The following CPLANE1 variants were observed in gnomAD, a reference collection of about 807,000 sequenced individuals.
The protein encoded by CPLANE1 is ciliogenesis and planar polarity effector complex subunit 1.
In CPLANE1, 263 loss-of-function variants were observed where a neutral mutation model predicts 362.5. That is an observed-to-expected ratio of 0.73 (90% CI 0.66 to 0.80). The LOEUF (loss-of-function observed/expected upper bound fraction) is 0.80. Ranked by LOEUF, CPLANE1 falls within the 30% of genes least tolerant of loss-of-function variation. The pLI, the probability that CPLANE1 is intolerant of heterozygous loss-of-function variation, is 0.00. For missense variants in CPLANE1, 3,461 were observed against 3,793.4 expected, an observed-to-expected ratio of 0.91 and a Z score of 2.30; for synonymous variants, 1,212 against 1,302.6, an observed-to-expected ratio of 0.93 and a Z score of 1.50.
intron 18 of CPLANE1, among the ~76,000 whole-genome samples, chr5:37,203,577 AATC>A (rs1444352807): frequency 3.9e-5 from 6 of 152,168 alleles, no homozygotes; most frequent in Non-Finnish European, 8.8e-5. Flanking sequence ...GCAGTGGCAC[AATC>A]ATGGCTCACT....
chr5:37,227,332 G>A lies in CPLANE1; in HGVS notation c.1432C>T (p.His478Tyr). Reference protein sequence around the residue: ...LNSLRSSLLEHQGNESSADFT... With the variant: ...LNSLRSSLLEYQGNESSADFT... ...TCGGCTGAACTTTCATTTCCTTGGT[G>A]TTCTAACAGGCTAGACCTTAGGGAA... Residue 478 changes from histidine to tyrosine, a missense_variant, in exon 11 of 53, where the codon CAC (histidine) becomes TAC (tyrosine). By Grantham distance (83) the His-to-Tyr change is moderately conservative (BLOSUM62 2). Coordinates refer to ENST00000651892, the MANE Select transcript of CPLANE1 (RefSeq NM_001384732.1). 6.4e-7 allele frequency: 1 copy of A among 1,552,004 alleles called. No homozygotes were observed. Among genetic ancestry groups the A allele is most frequent in the South Asian group, 1.2e-5 (1 of 84,046 alleles).
In CPLANE1 at chr5:37,125,254, C is replaced by T; in HGVS notation, c.8948G>A (p.Arg2983Lys). ...RGQEHDPFCP[R>K]SNPLYMTSRE... Reference sequence around the variant, plus strand: ...ACATGGCAGACTTACTGGATTGCTTCTGGGACAGAAAGGATCATGTTCTTG... The same window carrying T: ...ACATGGCAGACTTACTGGATTGCTTTTGGGACAGAAAGGATCATGTTCTTG... The change falls in exon 47 of 53, where the codon AGA becomes AAA. Residue 2983 changes from arginine to lysine, a missense_variant. Arg to Lys is a conservative substitution (Grantham distance 26). This residue lies in a region of CPLANE1 where 3,380 missense variants were observed against 3,666.1 expected (regional missense o/e 0.92). Coordinates refer to ENST00000651892, the MANE Select transcript of CPLANE1 (RefSeq NM_001384732.1). 1 of 1,613,226 alleles carries T rather than the reference C, an allele frequency of 6.2e-7. No individual in the cohort carries two copies. Among genetic ancestry groups the T allele is most frequent in the Non-Finnish European group, 8.5e-7 (1 of 1,179,734 alleles).
intron 46 of CPLANE1, among the ~76,000 whole-genome samples, chr5:37,131,264 G>A (rs1464642953): frequency 2.6e-5 from 4 of 152,068 alleles, no homozygotes; most frequent in African/African-American, 4.8e-5. Flanking sequence ...GAAAAAAAGC[G>A]CTTTCTACCA....
intron 51 of CPLANE1, among the ~76,000 whole-genome samples, chr5:37,114,115 T>C (rs548167589): frequency 1.3e-5 from 2 of 151,964 alleles, no homozygotes; most frequent in Admixed American, 1.3e-4. Context: ...CCAGCCAAAT[T>C]AGTGGGTTTT....
chr5:37,138,386 G>A (rs1014713287), intron 46 of CPLANE1: 38 of 317,640 alleles, frequency 1.2e-4, no homozygotes, highest in Non-Finnish European at 6.2e-5. Context: ...CCATTTGCAT[G>A]ATAGATCAGA....
chr5:37,239,805 A>G lies in CPLANE1; in HGVS notation c.742T>C (p.Cys248Arg), dbSNP rs1454775313. The G allele has an allele frequency of 1.3e-6, 2 of 1,546,172 alleles. No homozygotes were observed. Among genetic ancestry groups the G allele is most frequent in the Non-Finnish European group, 1.7e-6 (2 of 1,143,850 alleles). ...DCHLCSLIPKCESVKSRGALI... is the reference protein window; with the variant it reads ...DCHLCSLIPKRESVKSRGALI... ...GCTCCTCTTGACTTTACTGATTCAC[A>G]TTTAGGAATTAAACTACAGAGATGA... Residue 248 changes from cysteine (C) to arginine (R), a missense_variant, in exon 7 of 53, where the codon TGT becomes CGT. By Grantham distance (180) the Cys-to-Arg change is radical. Around this residue, in one of 2 missense-constraint regions of CPLANE1, gnomAD observed 3,380 missense variants for 3,666.1 expected, o/e 0.92. Coordinates refer to ENST00000651892, the MANE Select transcript of CPLANE1 (RefSeq NM_001384732.1).
chr5:37,205,838 C>G (rs535918028), intron 17 of CPLANE1, among the ~76,000 whole-genome samples: 3 of 152,150 alleles, frequency 2.0e-5, no homozygotes, highest in Admixed American at 1.3e-4. Context: ...CTCAGCCTCC[C>G]AAGTAGTTGG....
chr5:37,183,325 A>C lies in CPLANE1; in HGVS notation c.4856T>G (p.Phe1619Cys). The C allele has an allele frequency of 6.2e-7, 1 of 1,613,240 alleles. No homozygotes were observed. Among genetic ancestry groups the C allele is most frequent in the Middle Eastern group, 1.7e-4 (1 of 6,048 alleles). Residue 1619 changes from phenylalanine to cysteine, a missense_variant, in exon 26 of 53, where the codon TTT (phenylalanine) becomes TGT (cysteine). Phe to Cys is a radical substitution (Grantham distance 205). Around this residue, in one of 2 missense-constraint regions of CPLANE1, gnomAD observed 3,380 missense variants for 3,666.1 expected, o/e 0.92. Coordinates refer to ENST00000651892, the MANE Select transcript of CPLANE1 (RefSeq NM_001384732.1). ...SQNVFRAGSCFVVAPESYESE... is the reference protein window; with the variant it reads ...SQNVFRAGSCCVVAPESYESE... ...TTCATAGGACTCAGGAGCAACAACA[A>C]AGCAAGAACCAGCTCTAAACACATT...
Position 37,230,866 on chromosome 5 carries a change from C to T in CPLANE1, c.1121+1G>A, listed in dbSNP as rs771871270. On this transcript the variant is annotated splice_donor_variant, in intron 9 of 52. Transcript: ENST00000651892. LOFTEE classifies it high-confidence loss of function. ...AAATTAACACAATTCAAATGTCTCA[C>T]CTATACGTTATTAGTGGATGAAGAG... The T allele has an allele frequency of 3.8e-5, 57 of 1,514,646 alleles. No homozygotes were observed. The highest frequency in any genetic ancestry group is 4.6e-5 in the Non-Finnish European group (52 of 1,128,436). 93.8% of individuals were successfully genotyped at this position (1,514,646 alleles called of 1,614,324 possible).
Position 37,226,871 on chromosome 5 carries a change from C to CT in CPLANE1, c.1723dup (p.Ser575LysfsTer44). The CT allele has an allele frequency of 6.4e-7, 1 of 1,551,356 alleles. No homozygotes were observed. The highest frequency in any genetic ancestry group is 8.7e-7 in the Non-Finnish European group (1 of 1,146,896). ...TCCTATAGTCCACGCTGCAAGTAGA[C>CT]TTTTCTGGATAGAATGCAGTTCTGT... On this transcript the variant is annotated frameshift_variant, in exon 12 of 53. Transcript: ENST00000651892.
chr5:37,144,147 C>T (rs1311727348), intron 43 of CPLANE1, among the ~76,000 whole-genome samples: 4 of 150,682 alleles, frequency 2.7e-5, no homozygotes, highest in East Asian at 2.0e-4. Flanking sequence ...CGGTGGCTCA[C>T]GCTTGTAATC....
chr5:37,118,301 G>A (rs923278836), intron 50 of CPLANE1, among the ~76,000 whole-genome samples: 2 of 151,630 alleles, frequency 1.3e-5, no homozygotes, highest in African/African-American at 2.4e-5. Context: ...AGCTACTCGG[G>A]AGGCTGAGGT....
intron 51 of CPLANE1, among the ~76,000 whole-genome samples, chr5:37,113,412 T>C (rs1488010718): frequency 6.6e-6 from 1 of 152,240 alleles, no homozygotes; most frequent in Non-Finnish European, 1.5e-5. Flanking sequence ...TCCACAGCCA[T>C]GTGAAACTGT....
rs552240194 is a variant in CPLANE1, at chr5:37,132,533, T to A, written c.8792+6187A>T. On this transcript the variant is annotated intron_variant, in intron 46 of 52. Transcript: ENST00000651892. ...CTAATTTTTTTGTATTTTTCAGTAG[T>A]GACGGGGTTTCACCATGTTAGCCAG... 6.6e-5 allele frequency among the ~76,000 whole-genome samples: 10 copies of A among 152,040 alleles called. 1 individual carries two copies. Among genetic ancestry groups the A allele is most frequent in the South Asian group, 6.2e-4 (3 of 4,814 alleles).
intron 34 of CPLANE1, among the ~76,000 whole-genome samples, chr5:37,167,421 G>C (rs1390375701): frequency 1.3e-5 from 2 of 152,088 alleles, no homozygotes; most frequent in Non-Finnish European, 2.9e-5. Flanking sequence ...GTTTCAAATG[G>C]GTCATCCTAT....
intron 25 of CPLANE1, 74 bp from the exon 26 acceptor site, chr5:37,183,773 G>T: frequency 9.5e-7 from 1 of 1,053,324 alleles, no homozygotes. Context: ...AATTGACATG[G>T]AAAATTCTCT....
intron 46 of CPLANE1, among the ~76,000 whole-genome samples, chr5:37,129,224 C>T (rs1227755769): frequency 1.3e-5 from 2 of 152,156 alleles, no homozygotes; most frequent in Non-Finnish European, 2.9e-5. Context: ...AAAACTGGAT[C>T]CTCATCTCTC....
chr5:37,168,473 T>C (rs1260238837), intron 34 of CPLANE1, among the ~76,000 whole-genome samples: 1 of 152,052 alleles, frequency 6.6e-6, no homozygotes, highest in African/African-American at 2.4e-5. Context: ...AATTCCAGTA[T>C]TGATAGAAAG....
chr5:37,170,279 G>T lies in CPLANE1; in HGVS notation c.6224C>A (p.Ala2075Asp), dbSNP rs1326109813. 2 of 1,614,028 alleles carry T rather than the reference G, an allele frequency of 1.2e-6. No homozygotes were observed. The highest frequency in any genetic ancestry group is 2.7e-5 in the African/African-American group (2 of 74,920). The change falls in exon 33 of 53, where the codon GCT becomes GAT. Residue 2075 changes from alanine to aspartate, a missense_variant. Physicochemically the swap from Ala to Asp is moderately radical, Grantham distance 126. This residue lies in a region of CPLANE1 where 3,380 missense variants were observed against 3,666.1 expected (regional missense o/e 0.92). Transcript: ENST00000651892. Reference protein sequence around the residue: ...SLMQIVGSSFANLPDTQQLVQ... With the variant: ...SLMQIVGSSFDNLPDTQQLVQ... Reference sequence around the variant, plus strand: ...AAGTTGTTGTGTATCTGGGAGATTAGCAAAGGATGATCCTACTATTTGCAT... The same window carrying T: ...AAGTTGTTGTGTATCTGGGAGATTATCAAAGGATGATCCTACTATTTGCAT...
Sources: gnomAD v4.1 joint callset for allele counts (sites outside exome capture counted in the v4.1 genomes callset) on GRCh38, gnomAD v4.1.1 for gene constraint, gnomAD v4.1.1 regional missense constraint, MANE v1.5 for transcripts, NCBI Gene and HGNC (gene_info 2026-07-23, HGNC 2026-07-21) for gene names.